Variants in NR2C1 observed in about 807,000 individuals in gnomAD.
NR2C1 encodes the protein TR2 nuclear hormone receptor.
Under a neutral mutation model 74.8 loss-of-function variants are expected in NR2C1, and 33 were observed. That is an observed-to-expected ratio of 0.44 (90% CI 0.33 to 0.59). NR2C1 has a LOEUF of 0.59. Ranked by LOEUF, NR2C1 falls within the 20% of genes least tolerant of loss-of-function variation. The probability of loss-of-function intolerance (pLI) is 0.02; values close to 1 mark genes in which losing one functional copy is unlikely to be tolerated. For missense variants in NR2C1, 568 were observed against 715.6 expected, an observed-to-expected ratio of 0.79 and a Z score of 2.35; for synonymous variants, 225 against 240.6, an observed-to-expected ratio of 0.94 and a Z score of 0.60.
intron 1 of NR2C1, among the ~76,000 whole-genome samples, chr12:95,067,855 A>T (rs187682460): frequency 6.8e-6 from 1 of 147,140 alleles, no homozygotes; most frequent in East Asian, 2.0e-4. Context: ...AGCATAAGCC[A>T]CCATGCCCAC....
intron 9 of NR2C1, among the ~76,000 whole-genome samples, chr12:95,047,841 A>G (rs920602007): frequency 6.6e-6 from 1 of 152,232 alleles, no homozygotes; most frequent in Non-Finnish European, 1.5e-5. Flanking sequence ...TGAATGACAA[A>G]TAGTAGAAAG....
intron 4 of NR2C1, among the ~76,000 whole-genome samples, chr12:95,059,570 T>C (rs978348255): frequency 6.0e-5 from 9 of 151,234 alleles, no homozygotes; most frequent in African/African-American, 2.2e-4. Flanking sequence ...AAATTAGCCA[T>C]GCGTGCTGGC....
intron 1 of NR2C1, among the ~76,000 whole-genome samples, chr12:95,068,743 G>A (rs1284136330): frequency 2.0e-5 from 3 of 151,154 alleles, no homozygotes; most frequent in Non-Finnish European, 2.9e-5. Context: ...GCGGTGAGCC[G>A]AGATTGCACC....
chr12:95,027,400 T>C (rs1748859568), intron 12 of NR2C1, among the ~76,000 whole-genome samples: 1 of 152,176 alleles, frequency 6.6e-6, no homozygotes, highest in African/African-American at 2.4e-5. Flanking sequence ...TCCCTTTTCA[T>C]ACCCATATAA....
At chr12:95,048,660 T>C (rs1157823787) in intron 9 of NR2C1, among the ~76,000 whole-genome samples, 1 of 151,162 alleles carries the variant, frequency 6.6e-6, no homozygotes, top group African/African-American at 2.4e-5. Flanking sequence ...GTTTTGCTCT[T>C]GTTGCCCAGG....
At chr12:95,065,727 G>A (rs1178208730) in intron 2 of NR2C1, among the ~76,000 whole-genome samples, 2 of 151,974 alleles carry the variant, frequency 1.3e-5, no homozygotes, top group African/African-American at 2.4e-5. Flanking sequence ...TGAGGTGGGC[G>A]GATCATGAGG....
chr12:95,046,255 C>T (rs1017263472), intron 9 of NR2C1, among the ~76,000 whole-genome samples: 2 of 152,214 alleles, frequency 1.3e-5, no homozygotes, highest in Non-Finnish European at 2.9e-5. Flanking sequence ...CACTAAACAT[C>T]TCTACATCTC....
rs1336120871 is a variant in NR2C1, at chr12:95,073,487, C to G, written c.-115G>C. On this transcript the variant is annotated 5_prime_UTR_variant, in exon 1 of 14. Transcript: ENST00000333003. ...TCCGGGAAGAGAGGTTGAAGAAAGC[C>G]GACGGGATGTGGGATCGAGATTCAC... 5.9e-5 allele frequency: 9 copies of G among 152,294 alleles called. No individual in the cohort carries two copies. The highest frequency in any genetic ancestry group is 1.2e-4 in the Non-Finnish European group (8 of 68,092). 9.4% of individuals were successfully genotyped at this position (152,294 alleles called of 1,614,324 possible).
In NR2C1 at chr12:95,059,913, T is replaced by C. The variant is rs1264139636; in HGVS notation, c.357A>G (p.Lys119=). ...VFDLCVVCGD[K]ASGRHYGAVT... The stretch of plus-strand genomic sequence containing the variant: ...GGTTATTCTTAATGTTACCTGATGC[T>C]TTGTCTCCACATACTACGCAAAGAT... The change falls in exon 4 of 14, where the codon AAA becomes AAG. Residue 119 remains lysine, a synonymous_variant. Coordinates refer to ENST00000333003, the MANE Select transcript of NR2C1 (RefSeq NM_003297.4). 3.1e-6 allele frequency: 5 copies of C among 1,587,446 alleles called. No homozygotes were observed. The highest frequency in any genetic ancestry group is 2.2e-5 in the East Asian group (1 of 44,596).
At chr12:95,065,903 C>T (rs1875612850) in intron 2 of NR2C1, among the ~76,000 whole-genome samples, 1 of 150,150 alleles carries the variant, frequency 6.7e-6, no homozygotes. Flanking sequence ...TGAGCCAAGA[C>T]AGCGCCACTA....
intron 10 of NR2C1, among the ~76,000 whole-genome samples, chr12:95,039,861 A>T (rs1871292005): frequency 6.6e-6 from 1 of 152,100 alleles, no homozygotes. Context: ...GCTGGTCTTA[A>T]ACTCCTGGCC....
At chr12:95,070,413 T>C (rs1876425474) in intron 1 of NR2C1, among the ~76,000 whole-genome samples, 1 of 152,326 alleles carries the variant, frequency 6.6e-6, no homozygotes, top group Admixed American at 6.5e-5. Context: ...ATTACAGGTA[T>C]GAGCCACCAC....
intron 1 of NR2C1, among the ~76,000 whole-genome samples, chr12:95,071,812 G>C (rs1014830816): frequency 2.0e-5 from 3 of 150,090 alleles, no homozygotes; most frequent in African/African-American, 7.4e-5. Context: ...GCAATGGCGC[G>C]ATCTCAGCTC....
intron 10 of NR2C1, among the ~76,000 whole-genome samples, chr12:95,032,752 G>A (rs1481723520): frequency 2.0e-5 from 3 of 152,146 alleles, no homozygotes; most frequent in African/African-American, 7.2e-5. Flanking sequence ...CGCATCACTT[G>A]AGCCCAGGAG....
intron 13 of NR2C1, among the ~76,000 whole-genome samples, chr12:95,023,387 A>G (rs1338744532): frequency 6.6e-6 from 1 of 152,004 alleles, no homozygotes; most frequent in Non-Finnish European, 1.5e-5. Context: ...CTATCTCAAG[A>G]AAAAGAAAAA....
At chr12:95,068,138 A>G (rs987125884) in intron 1 of NR2C1, among the ~76,000 whole-genome samples, 1 of 151,780 alleles carries the variant, frequency 6.6e-6, no homozygotes, top group African/African-American at 2.4e-5. Context: ...TCGGCCTCCC[A>G]AAGTGCTGGG....
chr12:95,071,594 G>A (rs1214609413), intron 1 of NR2C1, among the ~76,000 whole-genome samples: 1 of 151,998 alleles, frequency 6.6e-6, no homozygotes, highest in Non-Finnish European at 1.5e-5. Context: ...CTACTCAACA[G>A]GCTGAGGCAG....
chr12:95,062,565 T>G lies in NR2C1; in HGVS notation c.228A>C (p.Ala76=), dbSNP rs1403519577. 2 of 1,613,832 alleles carry G rather than the reference T, an allele frequency of 1.2e-6. No homozygotes were observed. ...PGKVFLTTPD[A]AGVNQLFFTT... The stretch of plus-strand genomic sequence containing the variant: ...TAAAAAATAACTGGTTGACACCTGC[T>G]GCATCTGGAGTTGTAAGGAAAACTT... Residue 76 remains alanine, a synonymous_variant, in exon 3 of 14, where the codon GCA becomes GCC. Transcript: ENST00000333003.
chr12:95,055,483 A>G (rs1873693825), intron 7 of NR2C1, among the ~76,000 whole-genome samples: 1 of 152,224 alleles, frequency 6.6e-6, no homozygotes, highest in Non-Finnish European at 1.5e-5. Context: ...CTCTTATTTT[A>G]CAGATGAGAA....
Sources: allele counts gnomAD v4.1 joint callset (sites outside exome capture counted in the v4.1 genomes callset), GRCh38; gene constraint gnomAD v4.1.1; transcripts MANE v1.5; gene names NCBI Gene and HGNC (gene_info 2026-07-23, HGNC 2026-07-21).